Variants in SHISA9 observed in about 807,000 individuals in gnomAD.
SHISA9 encodes the protein protein shisa-9.
Under a neutral mutation model 38.0 loss-of-function variants are expected in SHISA9, and 13 were observed. The ratio of observed to expected loss-of-function variants is 0.34; its 90% CI spans 0.22 to 0.54. SHISA9 has a LOEUF of 0.54. Ranked by LOEUF, SHISA9 falls within the 20% of genes least tolerant of loss-of-function variation. SHISA9 has a pLI of 0.91. For missense variants in SHISA9, 538 were observed against 575.8 expected, an observed-to-expected ratio of 0.93 and a Z score of 0.67; for synonymous variants, 275 against 242.0, an observed-to-expected ratio of 1.14 and a Z score of -1.27.
At chr16:13,388,090 TCTATATCCTA>T in the SHISA9 span, among the ~76,000 whole-genome samples, 1 of 152,126 alleles carries the variant, frequency 6.6e-6, no homozygotes, top group Admixed American at 6.5e-5. Flanking sequence ...TCCTGGGAGC[TCTATATCCTA>T]CAAGGTAATT....
At chr16:13,550,784 T>G in the SHISA9 span, among the ~76,000 whole-genome samples, 4 of 152,232 alleles carry the variant, frequency 2.6e-5, no homozygotes, top group Non-Finnish European at 4.4e-5. Context: ...TGTCCCTGCT[T>G]CTTTCCCAAC....
rs145174795 is a variant in SHISA9 at position 13,027,202 on chromosome 16, C to A, written c.691+110387C>A. On this transcript the variant is annotated intron_variant, in intron 2 of 4. Coordinates refer to ENST00000558583, the MANE Select transcript of SHISA9 (RefSeq NM_001145204.3). ...AGCTTTCTTTGGAAATTCTGTCCAACATTTTTGGATGTTCTTATCTGGAGG... is the reference window on the plus strand; with the variant it reads ...AGCTTTCTTTGGAAATTCTGTCCAAAATTTTTGGATGTTCTTATCTGGAGG... 2.4e-3 allele frequency among the ~76,000 whole-genome samples: 359 copies of A among 152,320 alleles called. 7 individuals are homozygous for A. Among genetic ancestry groups the A allele is most frequent in the Admixed American group, 0.021 (325 of 15,304 alleles).
chr16:13,475,350 CAT>C, the SHISA9 span, among the ~76,000 whole-genome samples: 2 of 99,286 alleles, frequency 2.0e-5, no homozygotes, highest in African/African-American at 8.8e-5. Context: ...ATATGTTTCA[CAT>C]ATATATTTAT....
At chr16:13,409,334 G>C in the SHISA9 span, among the ~76,000 whole-genome samples, 1 of 152,204 alleles carries the variant, frequency 6.6e-6, no homozygotes, top group Non-Finnish European at 1.5e-5. Context: ...CACTGGACAA[G>C]AGCTTGGGGT....
the SHISA9 span, among the ~76,000 whole-genome samples, chr16:13,311,662 A>T: frequency 6.6e-6 from 1 of 152,120 alleles, no homozygotes; most frequent in Non-Finnish European, 1.5e-5. Flanking sequence ...ACTCCAGACT[A>T]TCTGTATTTA....
chr16:12,966,967 G>T (rs1190804574), intron 2 of SHISA9, among the ~76,000 whole-genome samples: 1 of 152,170 alleles, frequency 6.6e-6, no homozygotes, highest in East Asian at 1.9e-4. Context: ...GCCAGGACTT[G>T]TGATGATCTC....
downstream of SHISA9, among the ~76,000 whole-genome samples, chr16:13,241,828 T>G (rs2051437673): frequency 6.6e-6 from 1 of 152,158 alleles, no homozygotes; most frequent in Admixed American, 6.5e-5. Flanking sequence ...TGGGGCACAG[T>G]TCTGGTTATC....
chr16:13,324,901 C>T, the SHISA9 span, among the ~76,000 whole-genome samples: 1 of 152,312 alleles, frequency 6.6e-6, no homozygotes, highest in Non-Finnish European at 1.5e-5. Flanking sequence ...AAAGCGGGGG[C>T]TTCCAGGCCA....
At chr16:13,469,765 G>A in the SHISA9 span, among the ~76,000 whole-genome samples, 1 of 141,542 alleles carries the variant, frequency 7.1e-6, no homozygotes, top group Non-Finnish European at 1.5e-5. Context: ...ATTAACCAGA[G>A]TATGAGATAA....
intron 2 of SHISA9, among the ~76,000 whole-genome samples, chr16:13,086,353 C>CAAAAAAAAA (rs767516512): frequency 1.4e-4 from 7 of 50,950 alleles, no homozygotes; most frequent in African/African-American, 3.1e-4. Context: ...GATTCCATCT[C>CAAAAAAAAA]AAAAAAAAAA....
At chr16:13,213,556 A>T (rs548074599) in intron 4 of SHISA9, among the ~76,000 whole-genome samples, 1 of 152,132 alleles carries the variant, frequency 6.6e-6, no homozygotes, top group Non-Finnish European at 1.5e-5. Context: ...AAATATCACT[A>T]TGAGAAATCA....
At chr16:13,146,559 T>C (rs2050449143) in intron 2 of SHISA9, among the ~76,000 whole-genome samples, 1 of 152,206 alleles carries the variant, frequency 6.6e-6, no homozygotes, top group African/African-American at 2.4e-5. Flanking sequence ...TGAAAATGTA[T>C]GATCAATTAT....
At position 13,000,397 on chromosome 16, in the gene SHISA9, A is replaced by G. The variant is rs546492136; in HGVS notation, c.691+83582A>G. 7.4e-4 allele frequency among the ~76,000 whole-genome samples: 113 copies of G among 152,320 alleles called. 1 individual carries two copies. Among genetic ancestry groups the G allele is most frequent in the African/African-American group, 2.6e-3 (110 of 41,574 alleles). On this transcript the variant is annotated intron_variant, in intron 2 of 4. Coordinates refer to ENST00000558583, the MANE Select transcript of SHISA9 (RefSeq NM_001145204.3). ...AACGACGTGGTTTTAGGTGGAGACT[A>G]GCCTCAGACTGATCCTGCGCACAGC... is the stretch of plus-strand genomic sequence containing the variant.
the SHISA9 span, among the ~76,000 whole-genome samples, chr16:13,346,010 C>G: frequency 1.3e-5 from 2 of 152,074 alleles, no homozygotes; most frequent in African/African-American, 2.4e-5. Flanking sequence ...ACAAGTGCAG[C>G]TTTGTTACAG....
intron 2 of SHISA9, among the ~76,000 whole-genome samples, chr16:12,944,775 A>G (rs1311578774): frequency 6.6e-6 from 1 of 152,154 alleles, no homozygotes; most frequent in South Asian, 2.1e-4. Context: ...AATTTTTTTC[A>G]GTATCAGTAT....
intron 2 of SHISA9, among the ~76,000 whole-genome samples, chr16:13,092,511 C>G (rs944983104): frequency 2.6e-5 from 4 of 152,228 alleles, no homozygotes; most frequent in African/African-American, 9.6e-5. Context: ...TGTTTACCTA[C>G]TCAAGCCTCA....
At chr16:13,079,125 A>G (rs1184025281) in intron 2 of SHISA9, among the ~76,000 whole-genome samples, 1 of 152,186 alleles carries the variant, frequency 6.6e-6, no homozygotes, top group Non-Finnish European at 1.5e-5. Flanking sequence ...GAAACATGGC[A>G]TGGAACCTAT....
At chr16:13,339,182 T>TC in the SHISA9 span, among the ~76,000 whole-genome samples, 1 of 151,530 alleles carries the variant, frequency 6.6e-6, no homozygotes, top group Non-Finnish European at 1.5e-5. Context: ...TTTTTTTTTT[T>TC]TGAAAATGGG....
chr16:13,495,731 CA>C, the SHISA9 span, among the ~76,000 whole-genome samples: 3 of 151,126 alleles, frequency 2.0e-5, no homozygotes, highest in Non-Finnish European at 4.4e-5. Flanking sequence ...AAAAGAAGGG[CA>C]AAAAAGAAAA....
Sources: gnomAD v4.1 joint callset for allele counts (sites outside exome capture counted in the v4.1 genomes callset) on GRCh38, gnomAD v4.1.1 for gene constraint, MANE v1.5 for transcripts, NCBI Gene and HGNC (gene_info 2026-07-23, HGNC 2026-07-21) for gene names.